Variants in SAR1B observed in about 807,000 individuals in gnomAD.
SAR1B encodes the protein secretion associated Ras related GTPase 1B, also known as small COPII coat GTPase SAR1B.
In SAR1B, 23 loss-of-function variants were observed where a neutral mutation model predicts 26.8. The ratio of observed to expected loss-of-function variants is 0.86; its 90% confidence interval spans 0.62 to 1.22. SAR1B has a LOEUF of 1.22. Ranked by LOEUF, SAR1B falls within the 50% of genes most tolerant of loss-of-function variation. The pLI, the probability that SAR1B is intolerant of heterozygous loss-of-function variation, is 0.00. For synonymous variants in SAR1B, 65 were observed against 80.8 expected (o/e 0.80, Z 1.05); for missense variants, 196 against 232.8 (o/e 0.84, Z 1.03).
At chr5:134,623,392 A>G (rs1330192544) in intron 2 of SAR1B, among the ~76,000 whole-genome samples, 1 of 151,884 alleles carries the variant, frequency 6.6e-6, no homozygotes, top group Admixed American at 6.6e-5. Context: ...GTGAGCTGAG[A>G]TCACGCCACT....
chr5:134,620,033 G>A (rs1056861512), intron 3 of SAR1B, among the ~76,000 whole-genome samples: 5 of 152,064 alleles, frequency 3.3e-5, no homozygotes, highest in Admixed American at 6.6e-5. Flanking sequence ...AAGCCTGGGC[G>A]CGGTGGCTCA....
At position 134,608,458 on chromosome 5, in the gene SAR1B, G is replaced by C. The variant is rs149760541; in HGVS notation, c.394C>G (p.Leu132Val). Residue 132 changes from leucine to valine, a missense_variant, in exon 6 of 7, where the codon CTT becomes GTT. Transcript: ENST00000402673. ...ETIANVPILI[L>V]GNKIDRPEAI... ...TCAGGTCTGTCGATCTTATTCCCAA[G>C]AATCAGTATAGGCACATTAGCAATG... 1.2e-6 allele frequency: 2 copies of C among 1,610,668 alleles called. No homozygotes were observed.
Position 134,602,772 on chromosome 5 carries a change from G to A in SAR1B, c.*4178C>T, listed in dbSNP as rs1036236286. The A allele has an allele frequency of 3.3e-5, 5 of 152,030 alleles. No individual in the cohort carries two copies. The highest frequency in any genetic ancestry group is 1.9e-4 in the East Asian group (1 of 5,190). The allele number at this position is 152,030 out of a possible 1,614,324, so 9.4% of individuals were successfully genotyped here. Reference sequence around the variant, plus strand: ...GTGCACCTGTAATCCCAGCTACTCGGGATGGTGAGGCACGAGAATCGCTTG... The same window carrying A: ...GTGCACCTGTAATCCCAGCTACTCGAGATGGTGAGGCACGAGAATCGCTTG... On this transcript the variant is annotated 3_prime_UTR_variant, in exon 7 of 7. Coordinates refer to ENST00000402673, the MANE Select transcript of SAR1B (RefSeq NM_016103.4).
Position 134,604,755 on chromosome 5 carries a change from TG to T in SAR1B, c.*2194del, listed in dbSNP as rs1294894573. On this transcript the variant is annotated 3_prime_UTR_variant, in exon 7 of 7. Transcript: ENST00000402673. The stretch of plus-strand genomic sequence containing the variant: ...TTTTTCCTGGCTAGAGAAACCAGTA[TG>T]TTTTTTTTTCATTTATACCCATTTA... 1 of 152,142 alleles carries T rather than the reference TG, an allele frequency of 6.6e-6. No individual in the cohort carries two copies. The highest frequency in any genetic ancestry group is 2.4e-5 in the African/African-American group (1 of 41,398). 9.4% of individuals were successfully genotyped at this position (152,142 alleles called of 1,614,324 possible). A position where few individuals can be genotyped will look rare whatever the true frequency, so the allele number is the denominator to read the frequency against.
intron 2 of SAR1B, among the ~76,000 whole-genome samples, chr5:134,622,077 C>T (rs1765418567): frequency 6.6e-6 from 1 of 152,110 alleles, no homozygotes; most frequent in Admixed American, 6.6e-5. Context: ...TACATGTGAG[C>T]CACCACACCT....
At chr5:134,619,614 T>C (rs1368824428) in intron 3 of SAR1B, among the ~76,000 whole-genome samples, 2 of 152,058 alleles carry the variant, frequency 1.3e-5, no homozygotes, top group Non-Finnish European at 2.9e-5. Context: ...TTCTCCTGCC[T>C]CAGCCTCCCA....
At chr5:134,613,429 A>T (rs1765252925) in intron 3 of SAR1B, 2 of 152,268 alleles carry the variant, frequency 1.3e-5, no homozygotes, top group African/African-American at 4.8e-5. Context: ...TGTTTGATTT[A>T]CTTTTATTGC....
intron 1 of SAR1B, among the ~76,000 whole-genome samples, chr5:134,630,875 AT>A (rs1434485241): frequency 1.2e-5 from 1 of 83,420 alleles, no homozygotes; most frequent in Non-Finnish European, 2.6e-5. Flanking sequence ...TTCCTTTTCT[AT>A]TTCTTTTTTT....
chr5:134,603,157 T>C lies in SAR1B; in HGVS notation c.*3793A>G, dbSNP rs1038082081. ...CCAAATTAAATGAACAGAAGGAATT[T>C]TGAGAGATTTCCCCTTATGTAGCTA... On this transcript the variant is annotated 3_prime_UTR_variant, in exon 7 of 7. Transcript: ENST00000402673. 3 of 152,236 alleles carry C rather than the reference T, an allele frequency of 2.0e-5. No homozygotes were observed. Among genetic ancestry groups the C allele is most frequent in the South Asian group, 2.1e-4 (1 of 4,834 alleles). The allele number at this position is 152,236 out of a possible 1,614,324, so 9.4% of individuals were successfully genotyped here.
intron 1 of SAR1B, among the ~76,000 whole-genome samples, chr5:134,627,521 G>A (rs1405667306): frequency 2.0e-5 from 3 of 151,454 alleles, no homozygotes; most frequent in Admixed American, 6.6e-5. Flanking sequence ...AAAACCGGCC[G>A]GGCGTGGTGG....
chr5:134,622,081 C>A (rs1187756855), intron 2 of SAR1B, among the ~76,000 whole-genome samples: 1 of 152,148 alleles, frequency 6.6e-6, no homozygotes, highest in Non-Finnish European at 1.5e-5. Context: ...TGTGAGCCAC[C>A]ACACCTGACT....
chr5:134,612,785 T>C (rs1765241455), intron 3 of SAR1B, 29 bp from the exon 4 acceptor site: 1 of 1,564,516 alleles, frequency 6.4e-7, no homozygotes, highest in South Asian at 1.2e-5. Flanking sequence ...TATTTTTACA[T>C]GAAAATTAGA....
intron 1 of SAR1B, among the ~76,000 whole-genome samples, chr5:134,626,609 A>G (rs551606091): frequency 1.3e-5 from 2 of 152,354 alleles, no homozygotes; most frequent in African/African-American, 4.8e-5. Context: ...TGCAGATTAG[A>G]AAAGTGATCT....
chr5:134,611,645 A>G (rs1268285327), intron 4 of SAR1B, among the ~76,000 whole-genome samples: 1 of 152,158 alleles, frequency 6.6e-6, no homozygotes, highest in African/African-American at 2.4e-5. Context: ...AGTCTTTCCA[A>G]ACTTGTTGTA....
chr5:134,621,691 A>G (rs1461612915), intron 2 of SAR1B, among the ~76,000 whole-genome samples: 1 of 152,180 alleles, frequency 6.6e-6, no homozygotes, highest in Non-Finnish European at 1.5e-5. Flanking sequence ...GCATTGACCA[A>G]TTTATAATAG....
intron 6 of SAR1B, among the ~76,000 whole-genome samples, chr5:134,607,499 G>A (rs1012003782): frequency 6.6e-6 from 1 of 151,558 alleles, no homozygotes; most frequent in African/African-American, 2.4e-5. Context: ...CGGACCGGGC[G>A]TGGTGGCTCA....
intron 3 of SAR1B, among the ~76,000 whole-genome samples, chr5:134,619,381 C>T (rs991517318): frequency 2.7e-5 from 4 of 150,526 alleles, no homozygotes; most frequent in Non-Finnish European, 4.4e-5. Flanking sequence ...TCTTTAGAGA[C>T]AGGGTCTCAC....
intron 3 of SAR1B, among the ~76,000 whole-genome samples, chr5:134,619,613 C>T (rs1765371171): frequency 6.6e-6 from 1 of 152,064 alleles, no homozygotes; most frequent in South Asian, 2.1e-4. Flanking sequence ...ATTCTCCTGC[C>T]TCAGCCTCCC....
intron 2 of SAR1B, among the ~76,000 whole-genome samples, chr5:134,623,078 C>T (rs1765438688): frequency 7.0e-6 from 1 of 143,798 alleles, no homozygotes; most frequent in African/African-American, 2.6e-5. Context: ...GCTGAGATCG[C>T]ACCACTGCGC....
Sources: allele counts gnomAD v4.1 joint callset (sites outside exome capture counted in the v4.1 genomes callset), GRCh38; gene constraint gnomAD v4.1.1; transcripts MANE v1.5; gene names NCBI Gene and HGNC (gene_info 2026-07-23, HGNC 2026-07-21).